The following MLF2 variants were observed in gnomAD, a reference collection of about 807,000 sequenced individuals.
The protein encoded by MLF2 is myelodysplasia-myeloid leukemia factor 2.
Under a neutral mutation model 31.4 loss-of-function variants are expected in MLF2, and 12 were observed. The observed-to-expected ratio is 0.38, with a 90% CI of 0.24 to 0.62. MLF2 has a LOEUF of 0.62. Ranked by LOEUF, MLF2 falls within the 20% of genes least tolerant of loss-of-function variation. The pLI, the probability that MLF2 is intolerant of heterozygous loss-of-function variation, is 0.58. For synonymous variants in MLF2, 109 were observed against 118.8 expected (o/e 0.92, Z 0.54); for missense variants, 272 against 359.7 (o/e 0.76, Z 1.97).
At position 6,748,715 on chromosome 12, in the gene MLF2, TGCA is replaced by T. The variant is rs1941562230; in HGVS notation, c.*25+52_*25+54del. The T allele has an allele frequency of 7.4e-7, 1 of 1,358,264 alleles. No homozygotes were observed. Among genetic ancestry groups the T allele is most frequent in the Admixed American group, 2.9e-5 (1 of 34,002 alleles). The allele number at this position is 1,358,264 out of a possible 1,614,324, so 84.1% of individuals were successfully genotyped here. On this transcript the variant is annotated intron_variant, in intron 8 of 8. Coordinates refer to ENST00000203630, the MANE Select transcript of MLF2 (RefSeq NM_001382226.1). The surrounding 1 kb of genome is among the most constrained non-coding windows in gnomAD (Gnocchi z 4.6). ...GCGGGAGCCTGAACTGAGCCTGCCTTGCAGCCGAGGACCGTCCGCAGGTGCACC... is the reference window on the plus strand; with the variant it reads ...GCGGGAGCCTGAACTGAGCCTGCCTTGCCGAGGACCGTCCGCAGGTGCACC...
In MLF2 at chr12:6,752,014, A is replaced by G; in HGVS notation, c.91T>C (p.Leu31=). 6.2e-7 allele frequency: 1 copy of G among 1,614,206 alleles called. No individual in the cohort carries two copies. Among genetic ancestry groups the G allele is most frequent in the Non-Finnish European group, 8.5e-7 (1 of 1,180,040 alleles). ...GGGCTATATCCAAAGCCACCTGACA[A>G]CATACGGCTCATATGCTGACGGTGA... is the stretch of plus-strand genomic sequence containing the variant. ...AIHRQHMSRM[L]SGGFGYSPFL... Residue 31 remains leucine (L), a synonymous_variant, in exon 3 of 9, where the codon TTG becomes CTG. Coordinates refer to ENST00000203630, the MANE Select transcript of MLF2 (RefSeq NM_001382226.1). This position sits in a 1 kb window ranked among gnomAD's most constrained non-coding sequence, Gnocchi z 4.6.
In MLF2 at chr12:6,753,010, C is replaced by T. The variant is rs1278598580; in HGVS notation, c.-100G>A. The stretch of plus-strand genomic sequence containing the variant: ...CCGGTACGCTGCAGGGTCAGGGTCG[C>T]GGCCCGGAACGTGGGGATTGGTCCG... On this transcript the variant is annotated 5_prime_UTR_variant, in exon 1 of 9. Transcript: ENST00000203630. 3.6e-5 allele frequency: 12 copies of T among 336,634 alleles called. No individual in the cohort carries two copies. The highest frequency in any genetic ancestry group is 1.5e-4 in the African/African-American group (7 of 47,026). The allele number at this position is 336,634 out of a possible 1,614,324, so 20.9% of individuals were successfully genotyped here. A position where few individuals can be genotyped will look rare whatever the true frequency, so the allele number is the denominator to read the frequency against.
Position 6,749,090 on chromosome 12 carries a change from C to A in MLF2, c.560-108G>T, listed in dbSNP as rs994060368. 4 of 1,213,188 alleles carry A rather than the reference C, an allele frequency of 3.3e-6. No homozygotes were observed. Among genetic ancestry groups the A allele is most frequent in the African/African-American group, 1.6e-5 (1 of 61,852 alleles). The allele number at this position is 1,213,188 out of a possible 1,614,324, so 75.2% of individuals were successfully genotyped here. On this transcript the variant is annotated intron_variant, in intron 7 of 8. Transcript: ENST00000203630. This position sits in a 1 kb window ranked among gnomAD's most constrained non-coding sequence, Gnocchi z 5.3. ...GCCAAAGCGGCGAAGGCTGAGTGTG[C>A]GTGCAGGGATGGGTGGGGTGGCAAT...
chr12:6,750,664 C>T lies in MLF2; in HGVS notation c.270+49G>A, dbSNP rs759488838. The T allele has an allele frequency of 2.5e-6, 4 of 1,576,444 alleles. No homozygotes were observed. The South Asian group carries it at 3.3e-5, about 13-fold the overall frequency. On this transcript the variant is annotated intron_variant, in intron 5 of 8. Transcript: ENST00000203630. The surrounding 1 kb of genome is among the most constrained non-coding windows in gnomAD (Gnocchi z 5.3). ...TGCCTTAGAGGATGCAAGGTGTTGT[C>T]AGCCATCACTGAGAGCAAGGCCGGG...
At position 6,752,158 on chromosome 12, in the gene MLF2, A is replaced by C. The variant is rs1555109428; in HGVS notation, c.51-104T>G. On this transcript the variant is annotated intron_variant, in intron 2 of 8. Transcript: ENST00000203630. The surrounding 1 kb of genome is among the most constrained non-coding windows in gnomAD (Gnocchi z 4.6). ...CAGAGCAACAGTGGCACCGATGCCT[A>C]CTTCCTGCTAGGTAGGAGCTAGGTA... is the stretch of plus-strand genomic sequence containing the variant. 6.4e-7 allele frequency: 1 copy of C among 1,568,762 alleles called. No homozygotes were observed. Among genetic ancestry groups the C allele is most frequent in the Non-Finnish European group, 8.7e-7 (1 of 1,150,342 alleles).
chr12:6,748,811 C>T lies in MLF2; in HGVS notation c.731G>A (p.Arg244His), dbSNP rs370347669. The change falls in exon 8 of 9, where the codon CGC becomes CAC. Residue 244 changes from arginine (R) to histidine (H), a missense_variant. Physicochemically the swap from Arg to His is conservative, Grantham distance 29 (BLOSUM62 0). Coordinates refer to ENST00000203630, the MANE Select transcript of MLF2 (RefSeq NM_001382226.1). The surrounding 1 kb of genome is among the most constrained non-coding windows in gnomAD (Gnocchi z 4.6). Reference sequence around the variant, plus strand: ...CCGGGGCCCTCACCAGTCATAGCGGCGGGACTGTCGGGAAGGGGAGTCCTC... The same window carrying T: ...CCGGGGCCCTCACCAGTCATAGCGGTGGGACTGTCGGGAAGGGGAGTCCTC... ...GPEDSPSRQSRRYDW is the reference protein window; with the variant it reads ...GPEDSPSRQSHRYDW 5.2e-6 allele frequency: 8 copies of T among 1,537,828 alleles called. No individual in the cohort carries two copies. Among genetic ancestry groups the T allele is most frequent in the Admixed American group, 2.4e-5 (1 of 42,312 alleles).
rs755415754 is a variant in MLF2 at position 6,752,404 on chromosome 12, G to A, written c.-28-42C>T. The A allele has an allele frequency of 5.8e-4, 859 of 1,488,766 alleles. 4 individuals carry two copies. The highest frequency in any genetic ancestry group is 2.6e-3 in the Middle Eastern group (15 of 5,720). 92.2% of individuals were successfully genotyped at this position (1,488,766 alleles called of 1,614,324 possible). On this transcript the variant is annotated intron_variant, in intron 1 of 8. Transcript: ENST00000203630. This position sits in a 1 kb window ranked among gnomAD's most constrained non-coding sequence, Gnocchi z 4.6. ...GCTCAGATACTTGGAGGTGGCCAGG[G>A]TTTTGCACACCCACTCAGTGTGGGG...
chr12:6,753,100 C>A lies in MLF2; in HGVS notation c.-190G>T, dbSNP rs1213104519. On this transcript the variant is annotated 5_prime_UTR_variant, in exon 1 of 9. Transcript: ENST00000203630. ...AGCTGCCACCTCCGTACGGCCCCCT[C>A]GGCCAACGGAGCCCGAACCTCGGCC... 7.6e-6 allele frequency: 3 copies of A among 392,378 alleles called. No individual in the cohort carries two copies. The highest frequency in any genetic ancestry group is 3.6e-5 in the East Asian group (1 of 27,796). 24.3% of individuals were successfully genotyped at this position (392,378 alleles called of 1,614,324 possible). A position where few individuals can be genotyped will look rare whatever the true frequency, so the allele number is the denominator to read the frequency against.
Position 6,748,751 on chromosome 12 carries a change from C to G in MLF2, c.*25+19G>C. On this transcript the variant is annotated intron_variant, in intron 8 of 8. Transcript: ENST00000203630. The surrounding 1 kb of genome is among the most constrained non-coding windows in gnomAD (Gnocchi z 4.6). Reference sequence around the variant, plus strand: ...ACCGTCCGCAGGTGCACCCCACCCTCCTTACTCCTGATACTTACAAGAGAG... The same window carrying G: ...ACCGTCCGCAGGTGCACCCCACCCTGCTTACTCCTGATACTTACAAGAGAG... 6.8e-7 allele frequency: 1 copy of G among 1,478,238 alleles called. No homozygotes were observed. Among genetic ancestry groups the G allele is most frequent in the East Asian group, 2.6e-5 (1 of 38,294 alleles). 91.6% of individuals were successfully genotyped at this position (1,478,238 alleles called of 1,614,324 possible).
Position 6,748,445 on chromosome 12 carries a change from G to A in MLF2, c.*128C>T, listed in dbSNP as rs1453385261. 5.0e-6 allele frequency: 1 copy of A among 200,994 alleles called. No homozygotes were observed. The highest frequency in any genetic ancestry group is 2.3e-5 in the African/African-American group (1 of 43,236). 12.5% of individuals were successfully genotyped at this position (200,994 alleles called of 1,614,324 possible). A position where few individuals can be genotyped will look rare whatever the true frequency, so the allele number is the denominator to read the frequency against. ...AGGTTCTCCCTGAGACCCCCAGGGA[G>A]AGGTGGGGGCCGGCTTGCCTGTTAA... On this transcript the variant is annotated 3_prime_UTR_variant, in exon 9 of 9. Transcript: ENST00000203630. The surrounding 1 kb of genome is among the most constrained non-coding windows in gnomAD (Gnocchi z 4.6).
At position 6,748,605 on chromosome 12, in the gene MLF2, A is replaced by G. The variant is rs558570371; in HGVS notation, c.*26-58T>C. ...AAAGGAAGAAAAAACTTACGTTAAG[A>G]GCCAGGAGTTGGGGTTTAATCCCCT... On this transcript the variant is annotated intron_variant, in intron 8 of 8. Coordinates refer to ENST00000203630, the MANE Select transcript of MLF2 (RefSeq NM_001382226.1). The surrounding 1 kb of genome is among the most constrained non-coding windows in gnomAD (Gnocchi z 4.6). 3.6e-5 allele frequency: 19 copies of G among 526,116 alleles called. No homozygotes were observed. The highest frequency in any genetic ancestry group is 5.5e-5 in the Non-Finnish European group (17 of 307,144). The allele number at this position is 526,116 out of a possible 1,614,324, so 32.6% of individuals were successfully genotyped here. A position where few individuals can be genotyped will look rare whatever the true frequency, so the allele number is the denominator to read the frequency against.
chr12:6,749,953 A>T lies in MLF2; in HGVS notation c.454T>A (p.Ser152Thr). The change falls in exon 7 of 9, where the codon TCC becomes ACC. Residue 152 changes from serine to threonine, a missense_variant. Physicochemically the swap from Ser to Thr is moderately conservative, Grantham distance 58. Transcript: ENST00000203630. This position sits in a 1 kb window ranked among gnomAD's most constrained non-coding sequence, Gnocchi z 5.3. ...RDSDSGLEQM[S>T]IGHHIRDRAH... ...CTGTCCCGGATGTGATGCCCAATGG[A>T]CATCTGCTCCAGTCCACTGTCTGAA... 1 of 1,614,142 alleles carries T rather than the reference A, an allele frequency of 6.2e-7. No individual in the cohort carries two copies. The highest frequency in any genetic ancestry group is 8.5e-7 in the Non-Finnish European group (1 of 1,180,028).
Position 6,749,440 on chromosome 12 carries a change from A to G in MLF2, c.559+408T>C, listed in dbSNP as rs1405394527. Among the ~76,000 whole-genome samples the G allele has an allele frequency of 6.6e-6, 1 of 152,234 alleles. No homozygotes were observed. Among genetic ancestry groups the G allele is most frequent in the Non-Finnish European group, 1.5e-5 (1 of 68,034 alleles). On this transcript the variant is annotated intron_variant, in intron 7 of 8. Coordinates refer to ENST00000203630, the MANE Select transcript of MLF2 (RefSeq NM_001382226.1). The surrounding 1 kb of genome is among the most constrained non-coding windows in gnomAD (Gnocchi z 5.3). ...GAATATGGGACTGACAGTTGGGTGC[A>G]GTGGCTCATGCCTGTAATCCCGGCA...
intron 4 of MLF2, among the ~76,000 whole-genome samples, 194 bp downstream of exon 4, chr12:6,751,447 C>T (rs1055120996): frequency 1.3e-5 from 2 of 152,160 alleles, no homozygotes; most frequent in African/African-American, 4.8e-5. Context: ...CCATCTCGGC[C>T]TCCCAACAAG....
chr12:6,751,497 C>T, intron 4 of MLF2, 144 bp downstream of exon 4: 1 of 972,948 alleles, frequency 1.0e-6, no homozygotes, highest in Non-Finnish European at 1.6e-6. Flanking sequence ...TAGTACCCAA[C>T]AGGCTCAGAG....
At position 6,748,780 on chromosome 12, in the gene MLF2, G is replaced by A. The variant is rs373007457; in HGVS notation, c.*15C>T. The A allele has an allele frequency of 9.6e-5, 145 of 1,513,818 alleles. No individual in the cohort carries two copies. The highest frequency in any genetic ancestry group is 1.5e-4 in the Admixed American group (6 of 38,846). The allele number at this position is 1,513,818 out of a possible 1,614,324, so 93.8% of individuals were successfully genotyped here. A position where few individuals can be genotyped will look rare whatever the true frequency, so the allele number is the denominator to read the frequency against. On this transcript the variant is annotated 3_prime_UTR_variant, in exon 8 of 9. Transcript: ENST00000203630. This position sits in a 1 kb window ranked among gnomAD's most constrained non-coding sequence, Gnocchi z 4.6. ...ACTCCTGATACTTACAAGAGAGGCT[G>A]AGGGCCCGGGGCCCTCACCAGTCAT...
At position 6,750,754 on chromosome 12, in the gene MLF2, T is replaced by C. The variant is rs61731916; in HGVS notation, c.229A>G (p.Met77Val). The change falls in exon 5 of 9, where the codon ATG becomes GTG. Residue 77 changes from methionine (M) to valine (V), a missense_variant. Transcript: ENST00000203630. The surrounding 1 kb of genome is among the most constrained non-coding windows in gnomAD (Gnocchi z 5.3). ...TCATTCATCATCCCAAACATGTCCA[T>C]GAAACCACCCGACTGGAGGAAAGAG... ...FGMLGMSGGF[M>V]DMFGMMNDMI... The C allele has an allele frequency of 2.3e-4, 366 of 1,613,864 alleles. No individual in the cohort carries two copies. Among genetic ancestry groups the C allele is most frequent in the Non-Finnish European group, 2.9e-4 (346 of 1,179,964 alleles).
Position 6,750,359 on chromosome 12 carries a change from AAGG to A in MLF2, c.271-57_271-55del. ...GAATGGGGAGGCATCACCCCTGGTG[AAGG>A]GATTTCACCCTTCAGCTGCCTGTTC... On this transcript the variant is annotated intron_variant, in intron 5 of 8. Transcript: ENST00000203630. The surrounding 1 kb of genome is among the most constrained non-coding windows in gnomAD (Gnocchi z 5.3). The A allele has an allele frequency of 6.3e-7, 1 of 1,589,762 alleles. No individual in the cohort carries two copies. The highest frequency in any genetic ancestry group is 8.6e-7 in the Non-Finnish European group (1 of 1,165,880).
chr12:6,750,838 C>A lies in MLF2; in HGVS notation c.217-72G>T. ...TTCAGAGTTGATCCTGTTTAGGAACCCACAACCCACATGGCTGCACATTTC... is the reference window on the plus strand; with the variant it reads ...TTCAGAGTTGATCCTGTTTAGGAACACACAACCCACATGGCTGCACATTTC... On this transcript the variant is annotated intron_variant, in intron 4 of 8. Coordinates refer to ENST00000203630, the MANE Select transcript of MLF2 (RefSeq NM_001382226.1). This position sits in a 1 kb window ranked among gnomAD's most constrained non-coding sequence, Gnocchi z 5.3. The A allele has an allele frequency of 7.7e-7, 1 of 1,302,744 alleles. No individual in the cohort carries two copies. Among genetic ancestry groups the A allele is most frequent in the South Asian group, 1.2e-5 (1 of 82,822 alleles). 80.7% of individuals were successfully genotyped at this position (1,302,744 alleles called of 1,614,324 possible).
Sources: gnomAD v4.1 joint callset for allele counts (sites outside exome capture counted in the v4.1 genomes callset) on GRCh38, gnomAD v4.1.1 for gene constraint, Gnocchi (gnomAD v3.1) non-coding constraint, MANE v1.5 for transcripts, NCBI Gene and HGNC (gene_info 2026-07-23, HGNC 2026-07-21) for gene names.